PXDNL: variants seen among roughly 807,000 people sequenced by gnomAD.
PXDNL encodes the protein probable oxidoreductase PXDNL.
PXDNL carries 145 observed loss-of-function variants against 150.8 expected under a neutral mutation model. That is an observed-to-expected ratio of 0.96 (90% confidence interval 0.84 to 1.10). PXDNL has a LOEUF of 1.10. Ranked by LOEUF, PXDNL falls within the 50% of genes least tolerant of loss-of-function variation. The pLI is 0.00. For missense variants in PXDNL, 2,087 were observed against 1,873.9 expected (o/e 1.11, Z -2.10); for synonymous variants, 757 against 725.7 (o/e 1.04, Z -0.69).
chr8:51,382,891 C>T (rs1281012139), intron 17 of PXDNL, among the ~76,000 whole-genome samples: 1 of 152,122 alleles, frequency 6.6e-6, no homozygotes, highest in African/African-American at 2.4e-5. Flanking sequence ...ATAATCCTGG[C>T]TTTGTTAATT....
At chr8:51,715,556 C>T (rs1396470121) in intron 1 of PXDNL, among the ~76,000 whole-genome samples, 1 of 152,154 alleles carries the variant, frequency 6.6e-6, no homozygotes, top group African/African-American at 2.4e-5. Context: ...TGATTCTTAG[C>T]TTCTCCAACT....
chr8:51,428,204 A>T (rs1189806485), intron 12 of PXDNL, among the ~76,000 whole-genome samples: 1 of 152,258 alleles, frequency 6.6e-6, no homozygotes, highest in Non-Finnish European at 1.5e-5. Flanking sequence ...AAAATACTGA[A>T]GTACAAAATC....
At chr8:51,545,897 C>A (rs1300285955) in intron 4 of PXDNL, among the ~76,000 whole-genome samples, 1 of 152,162 alleles carries the variant, frequency 6.6e-6, no homozygotes, top group Non-Finnish European at 1.5e-5. Context: ...ATGTTATTTT[C>A]ATCTCTATAG....
chr8:51,648,829 T>C (rs2130792646), intron 2 of PXDNL, among the ~76,000 whole-genome samples: 1 of 152,366 alleles, frequency 6.6e-6, no homozygotes, highest in African/African-American at 2.4e-5. Context: ...GCTATCATTA[T>C]GTTTATACTT....
rs777335028 is a variant in PXDNL at position 51,413,199 on chromosome 8, G to C, written c.1855C>G (p.Gln619Glu). Residue 619 changes from glutamine (Q) to glutamate (E), a missense_variant, in exon 15 of 23, where the codon CAG becomes GAG. Coordinates refer to ENST00000356297, the MANE Select transcript of PXDNL (RefSeq NM_144651.5). The stretch of plus-strand genomic sequence containing the variant: ...GAGTTAATTGCACTGTCAACTCTCT[G>C]TACAGCATCAAGAATGGAAGATTCA... ...FVESSILDAV[Q>E]RVDSAINSTR... 6.2e-7 allele frequency: 1 copy of C among 1,612,630 alleles called. No individual in the cohort carries two copies. Among genetic ancestry groups the C allele is most frequent in the Admixed American group, 1.7e-5 (1 of 60,010 alleles).
chr8:51,465,217 G>A (rs1810178426), intron 8 of PXDNL, among the ~76,000 whole-genome samples: 2 of 152,050 alleles, frequency 1.3e-5, no homozygotes, highest in African/African-American at 2.4e-5. Context: ...GACCAAGTAG[G>A]CTTTATTCCT....
chr8:51,671,243 T>A (rs1303418015), intron 1 of PXDNL, among the ~76,000 whole-genome samples: 1 of 152,246 alleles, frequency 6.6e-6, no homozygotes, highest in Non-Finnish European at 1.5e-5. Context: ...AGCTGGTGAC[T>A]AGAAAGAACC....
chr8:51,742,171 T>C (rs996355690), intron 1 of PXDNL, among the ~76,000 whole-genome samples: 30 of 152,188 alleles, frequency 2.0e-4, no homozygotes, highest in African/African-American at 2.4e-5. Flanking sequence ...AGTCCATCTA[T>C]GCAGCACTAT....
intron 1 of PXDNL, among the ~76,000 whole-genome samples, chr8:51,695,489 C>T (rs562887938): frequency 3.8e-4 from 58 of 152,128 alleles, no homozygotes; most frequent in African/African-American, 9.6e-4. Flanking sequence ...CACGCACACA[C>T]GCACGCACGC....
chr8:51,756,212 G>C (rs1248950567), intron 1 of PXDNL, among the ~76,000 whole-genome samples: 1 of 152,000 alleles, frequency 6.6e-6, no homozygotes, highest in East Asian at 1.9e-4. Context: ...TGGGCAACAA[G>C]GCAAAATACC....
At chr8:51,465,670 T>TACA (rs1347574723) in intron 8 of PXDNL, among the ~76,000 whole-genome samples, 1 of 152,074 alleles carries the variant, frequency 6.6e-6, no homozygotes, top group East Asian at 1.9e-4. Flanking sequence ...CACCAAAGCC[T>TACA]CCTAGAACTG....
intron 1 of PXDNL, among the ~76,000 whole-genome samples, chr8:51,662,816 G>A (rs1420267327): frequency 6.6e-6 from 1 of 152,172 alleles, no homozygotes; most frequent in Non-Finnish European, 1.5e-5. Flanking sequence ...GGCACTCATG[G>A]GAAGTTAAAA....
intron 1 of PXDNL, among the ~76,000 whole-genome samples, chr8:51,658,934 A>C (rs1815211649): frequency 6.6e-6 from 1 of 152,162 alleles, no homozygotes; most frequent in Non-Finnish European, 1.5e-5. Flanking sequence ...AATTTTTGCA[A>C]CATTATTTAC....
chr8:51,357,374 G>GTATGTACCACA (rs1806542316), intron 19 of PXDNL, among the ~76,000 whole-genome samples: 1 of 152,204 alleles, frequency 6.6e-6, no homozygotes, highest in Admixed American at 6.5e-5. Flanking sequence ...ACTGATGGCA[G>GTATGTACCACA]TTCCTGTGCA....
intron 17 of PXDNL, among the ~76,000 whole-genome samples, chr8:51,380,890 A>G (rs1411898486): frequency 6.6e-6 from 1 of 152,164 alleles, no homozygotes; most frequent in African/African-American, 2.4e-5. Flanking sequence ...ATACTGAAAT[A>G]ATCACCTTTT....
intron 1 of PXDNL, among the ~76,000 whole-genome samples, chr8:51,781,311 C>T (rs555666620): frequency 6.7e-6 from 1 of 149,658 alleles, no homozygotes; most frequent in South Asian, 2.1e-4. Flanking sequence ...ATGCTTGGCG[C>T]ACATGCATGC....
intron 2 of PXDNL, among the ~76,000 whole-genome samples, chr8:51,611,123 A>G (rs1331529694): frequency 6.6e-6 from 1 of 152,180 alleles, no homozygotes; most frequent in African/African-American, 2.4e-5. Context: ...GTTTGGGATT[A>G]GTAATTGAGG....
intron 1 of PXDNL, among the ~76,000 whole-genome samples, chr8:51,731,660 T>C (rs1816934969): frequency 1.3e-5 from 2 of 152,248 alleles, no homozygotes; most frequent in East Asian, 1.9e-4. Flanking sequence ...AGCACACCTA[T>C]GCCTGGACAC....
chr8:51,412,976 C>T (rs931065498), intron 15 of PXDNL, among the ~76,000 whole-genome samples, 174 bp downstream of exon 15: 2 of 152,100 alleles, frequency 1.3e-5, no homozygotes, highest in African/African-American at 4.8e-5. Context: ...GAAGAAGTTT[C>T]CCCTTTTTTA....
Sources: gnomAD v4.1 joint callset for allele counts (sites outside exome capture counted in the v4.1 genomes callset) on GRCh38, gnomAD v4.1.1 for gene constraint, MANE v1.5 for transcripts, NCBI Gene and HGNC (gene_info 2026-07-23, HGNC 2026-07-21) for gene names.